Variants in PTPRN2 observed in about 807,000 individuals in gnomAD.
PTPRN2 encodes the protein protein tyrosine phosphatase receptor type N2, also known as receptor-type tyrosine-protein phosphatase N2.
PTPRN2 carries 74 observed loss-of-function variants against 118.8 expected under a neutral mutation model. The observed-to-expected ratio is 0.62, with a 90% CI of 0.52 to 0.76. The LOEUF (loss-of-function observed/expected upper bound fraction) is 0.76, where lower values mean the gene tolerates loss of function less well. Ranked by LOEUF, PTPRN2 falls within the 30% of genes least tolerant of loss-of-function variation. The probability of loss-of-function intolerance (pLI) is 0.00; values close to 1 mark genes in which losing one functional copy is unlikely to be tolerated. For missense variants in PTPRN2, 1,481 were observed against 1,394.4 expected (o/e 1.06, Z -0.99); for synonymous variants, 641 against 608.0 (o/e 1.05, Z -0.80).
chr7:158,033,590 CTGGTGGG>C (rs1807851149), intron 11 of PTPRN2, among the ~76,000 whole-genome samples: 1 of 152,160 alleles, frequency 6.6e-6, no homozygotes, highest in East Asian at 1.9e-4. Context: ...GAGGGGAGGG[CTGGTGGG>C]TGGGTTAAAG....
At position 158,205,111 on chromosome 7, in the gene PTPRN2, G is replaced by A. The variant is rs558518632; in HGVS notation, c.380+60C>T. ...AAACAAACAAACAAACAAATAATAA[G>A]TGTAATGGCTATGGACTGTGTCCTG... On this transcript the variant is annotated intron_variant, in intron 4 of 22. Coordinates refer to ENST00000389418, the MANE Select transcript of PTPRN2 (RefSeq NM_002847.5). The A allele has an allele frequency of 1.1e-4, 144 of 1,312,812 alleles. 2 individuals carry two copies. The highest frequency in any genetic ancestry group is 3.6e-4 in the Middle Eastern group (2 of 5,518). The allele number at this position is 1,312,812 out of a possible 1,614,324, so 81.3% of individuals were successfully genotyped here.
chr7:157,745,016 C>T (rs546084173), intron 12 of PTPRN2, among the ~76,000 whole-genome samples: 12 of 152,308 alleles, frequency 7.9e-5, no homozygotes, highest in South Asian at 4.1e-4. Flanking sequence ...ACCTTCCTTA[C>T]GAGGACTACG....
At chr7:158,539,117 A>G (rs1424360809) in intron 1 of PTPRN2, among the ~76,000 whole-genome samples, 1 of 152,216 alleles carries the variant, frequency 6.6e-6, no homozygotes, top group Non-Finnish European at 1.5e-5. Context: ...CAACGACCAC[A>G]CTGGTAACAA....
chr7:157,616,355 G>C (rs1802773221), intron 15 of PTPRN2: 1 of 152,254 alleles, frequency 6.6e-6, no homozygotes, highest in Non-Finnish European at 1.5e-5. Context: ...AGGTGCACTT[G>C]CAGTTGTAGT....
intron 14 of PTPRN2, 151 bp downstream of exon 14, chr7:157,656,206 G>A (rs1358649693): frequency 1.4e-6 from 1 of 725,448 alleles, no homozygotes; most frequent in Non-Finnish European, 2.2e-6. Context: ...CCTGCAGAAA[G>A]AGCCCTGCCT....
In PTPRN2 at chr7:158,093,739, T is replaced by A. The variant is rs1394565072; in HGVS notation, c.1644-12362A>T. 1.3e-5 allele frequency among the ~76,000 whole-genome samples: 2 copies of A among 152,194 alleles called. No homozygotes were observed. The highest frequency in any genetic ancestry group is 2.9e-5 in the Non-Finnish European group (2 of 68,038). ...ACACTTTTAATTTTACCACATTTCC[T>A]GCACAATTGTGTATTCCTGCCTCTC... is the stretch of plus-strand genomic sequence containing the variant. On this transcript the variant is annotated intron_variant, in intron 10 of 22. Transcript: ENST00000389418. The surrounding 1 kb of genome is among the most constrained non-coding windows in gnomAD (Gnocchi z 4.4).
chr7:157,850,010 C>T (rs1405169159), intron 12 of PTPRN2, among the ~76,000 whole-genome samples: 2 of 152,172 alleles, frequency 1.3e-5, no homozygotes, highest in African/African-American at 2.4e-5. Context: ...GCATCTTACA[C>T]GTTTTTTATT....
chr7:158,038,743 A>C (rs1328246163), intron 11 of PTPRN2, among the ~76,000 whole-genome samples: 1 of 141,934 alleles, frequency 7.0e-6, no homozygotes, highest in Non-Finnish European at 1.5e-5. Flanking sequence ...ATTAGATAAT[A>C]AAGTATAAAA....
At chr7:157,577,452 G>C (rs123778) in intron 18 of PTPRN2, among the ~76,000 whole-genome samples, 144,084 of 152,260 alleles carry the variant, frequency 0.95, 68,293 homozygotes, top group Middle Eastern at 1. Flanking sequence ...CGTTTATTTA[G>C]TTCATTCTTG....
In PTPRN2 at chr7:158,544,146, C is replaced by A. The variant is rs1325089415; in HGVS notation, c.112+43412G>T. On this transcript the variant is annotated intron_variant, in intron 1 of 22. Coordinates refer to ENST00000389418, the MANE Select transcript of PTPRN2 (RefSeq NM_002847.5). This position sits in a 1 kb window ranked among gnomAD's most constrained non-coding sequence, Gnocchi z 4.2. ...ACACCCGCCTGGGAGGGGCCAGAAC[C>A]CAGTCCACACTCTGCCCGCATGATC... Among the ~76,000 whole-genome samples, 1 of 152,176 alleles carries A rather than the reference C, an allele frequency of 6.6e-6. No homozygotes were observed. Among genetic ancestry groups the A allele is most frequent in the African/African-American group, 2.4e-5 (1 of 41,436 alleles).
In PTPRN2 at chr7:157,745,110, A is replaced by G. The variant is rs150941161; in HGVS notation, c.1789-62173T>C. On this transcript the variant is annotated intron_variant, in intron 12 of 22. Coordinates refer to ENST00000389418, the MANE Select transcript of PTPRN2 (RefSeq NM_002847.5). ...CTCCCCTTGCACGGAGCTAAGATTT[A>G]TAGACCGAGACAGCTCCAGGAGTGG... Among the ~76,000 whole-genome samples the G allele has an allele frequency of 4.9e-3, 751 of 152,282 alleles. 1 individual carries two copies. Among genetic ancestry groups the G allele is most frequent in the Non-Finnish European group, 7.8e-3 (533 of 68,012 alleles).
At chr7:158,205,344 C>G in intron 3 of PTPRN2, 71 bp from the exon 4 acceptor site, 2 of 1,103,506 alleles carry the variant, frequency 1.8e-6, no homozygotes, top group Non-Finnish European at 2.7e-6. Flanking sequence ...TTCAGTCTCA[C>G]AATTAGTTGC....
chr7:157,687,012 A>C (rs1797230333), intron 12 of PTPRN2, among the ~76,000 whole-genome samples: 1 of 152,208 alleles, frequency 6.6e-6, no homozygotes, highest in Non-Finnish European at 1.5e-5. Context: ...AACTCCTCAA[A>C]TTTAGAATAG....
chr7:158,081,087 T>C (rs1812783790), intron 11 of PTPRN2, among the ~76,000 whole-genome samples: 1 of 152,234 alleles, frequency 6.6e-6, no homozygotes, highest in African/African-American at 2.4e-5. Context: ...AAATCCCAGA[T>C]GGTGCCCACG....
chr7:157,625,533 A>C (rs1484400183), intron 14 of PTPRN2, among the ~76,000 whole-genome samples: 1 of 152,222 alleles, frequency 6.6e-6, no homozygotes, highest in Non-Finnish European at 1.5e-5. Context: ...AGCTATGAGG[A>C]TGCAGAGGCA....
chr7:157,814,044 C>T (rs1204540161), intron 12 of PTPRN2, among the ~76,000 whole-genome samples: 1 of 152,242 alleles, frequency 6.6e-6, no homozygotes, highest in Admixed American at 6.5e-5. Context: ...ACTGTGCCCA[C>T]GCGAGGCAGT....
At chr7:158,273,264 C>T (rs1185952318) in intron 3 of PTPRN2, among the ~76,000 whole-genome samples, 2 of 152,190 alleles carry the variant, frequency 1.3e-5, no homozygotes, top group African/African-American at 4.8e-5. Context: ...AAAATGACAC[C>T]GAACGTTTAT....
intron 1 of PTPRN2, among the ~76,000 whole-genome samples, chr7:158,545,819 CA>C (rs1402417292): frequency 6.6e-6 from 1 of 152,140 alleles, no homozygotes; most frequent in East Asian, 1.9e-4. Context: ...GCCAACACGG[CA>C]AAACCCTGTC....
At chr7:157,726,993 CAG>C (rs1216045017) in intron 12 of PTPRN2, among the ~76,000 whole-genome samples, 1 of 152,144 alleles carries the variant, frequency 6.6e-6, no homozygotes, top group Admixed American at 6.5e-5. Context: ...CCGAAAAAAA[CAG>C]AAAGTAACAG....
Sources: allele counts gnomAD v4.1 joint callset (sites outside exome capture counted in the v4.1 genomes callset), GRCh38; gene constraint gnomAD v4.1.1; non-coding constraint Gnocchi (gnomAD v3.1); transcripts MANE v1.5; gene names NCBI Gene and HGNC (gene_info 2026-07-23, HGNC 2026-07-21).